The following PREP variants were observed in gnomAD, a reference collection of about 807,000 sequenced individuals.
PREP encodes prolyl endopeptidase.
PREP carries 29 observed loss-of-function variants against 87.6 expected under a neutral mutation model. The observed-to-expected ratio is 0.33, with a 90% confidence interval of 0.25 to 0.45. The LOEUF (loss-of-function observed/expected upper bound fraction) is 0.45, where lower values mean the gene tolerates loss of function less well. Among genes scored for constraint, PREP ranks in the 20% least tolerant of loss-of-function variants. The pLI is 1.00. For missense variants in PREP, 695 were observed against 886.5 expected (o/e 0.78, Z 2.74); for synonymous variants, 337 against 328.6 (o/e 1.03, Z -0.28).
chr6:105,401,067 G>T (rs1192106625), intron 1 of PREP, among the ~76,000 whole-genome samples: 1 of 152,198 alleles, frequency 6.6e-6, no homozygotes, highest in Non-Finnish European at 1.5e-5. Flanking sequence ...CTTAGAGTTA[G>T]CATGAGTTGC....
chr6:105,315,841 C>T (rs1047012732), intron 10 of PREP, among the ~76,000 whole-genome samples: 1 of 152,188 alleles, frequency 6.6e-6, no homozygotes, highest in Non-Finnish European at 1.5e-5. Context: ...ATGAACCAAC[C>T]TCTGCTAGCT....
chr6:105,283,050 G>A (rs530340814), intron 12 of PREP, among the ~76,000 whole-genome samples: 1 of 152,362 alleles, frequency 6.6e-6, no homozygotes, highest in African/African-American at 2.4e-5. Flanking sequence ...GACGGAGGTG[G>A]AAGCGCTCTG....
rs1769867763 is a variant in PREP at position 105,273,440 on chromosome 6, G to A, written c.*4704C>T. The A allele has an allele frequency of 6.6e-6, 1 of 152,010 alleles. No homozygotes were observed. The highest frequency in any genetic ancestry group is 2.4e-5 in the African/African-American group (1 of 41,366). 9.4% of individuals were successfully genotyped at this position (152,010 alleles called of 1,614,324 possible). ...ATTACCATCTTCACCACCAACTCCAGGTACCCACTAATCTACATTCTATCT... is the reference window on the plus strand; with the variant it reads ...ATTACCATCTTCACCACCAACTCCAAGTACCCACTAATCTACATTCTATCT... On this transcript the variant is annotated 3_prime_UTR_variant, in exon 15 of 15. Transcript: ENST00000652536.
chr6:105,322,313 T>C, intron 10 of PREP: 1 of 915,350 alleles, frequency 1.1e-6, no homozygotes, highest in Non-Finnish European at 1.3e-6. Context: ...AAAAAATAGA[T>C]TATATTCTAT....
intron 10 of PREP, among the ~76,000 whole-genome samples, chr6:105,307,320 C>T (rs1770676339): frequency 6.6e-6 from 1 of 152,026 alleles, no homozygotes; most frequent in Non-Finnish European, 1.5e-5. Flanking sequence ...TGTGCTCTTT[C>T]CATCTGCCCA....
intron 7 of PREP, among the ~76,000 whole-genome samples, chr6:105,336,262 GA>G (rs1562205004): frequency 6.6e-6 from 1 of 152,180 alleles, no homozygotes; most frequent in Admixed American, 6.5e-5. Context: ...CCTGTCTCAA[GA>G]AAATATACAT....
chr6:105,340,342 T>TG (rs1414009258), intron 7 of PREP, among the ~76,000 whole-genome samples: 1 of 152,120 alleles, frequency 6.6e-6, no homozygotes, highest in African/African-American at 2.4e-5. Context: ...AGACAAACTC[T>TG]GAGAGATTTT....
In PREP at chr6:105,328,883, C is replaced by A. The variant is rs752657011; in HGVS notation, c.1159G>T (p.Gly387Cys). 6.2e-7 allele frequency: 1 copy of A among 1,614,034 alleles called. No homozygotes were observed. ...LDVGSIVGYSGQKKDTEIFYQ... is the reference protein window; with the variant it reads ...LDVGSIVGYSCQKKDTEIFYQ... ...AAGATTTCAGTGTCCTTCTTCTGAC[C>A]GCTGTACCCTACAATGCTGCCGACA... Residue 387 changes from glycine (G) to cysteine (C), a missense_variant, in exon 9 of 15, where the codon GGT becomes TGT. Physicochemically the swap from Gly to Cys is radical, Grantham distance 159. Around this residue, in one of 5 missense-constraint regions of PREP, gnomAD observed 517 missense variants for 620.3 expected, o/e 0.83. Transcript: ENST00000652536.
rs1411143515 is a variant in PREP at position 105,273,782 on chromosome 6, C to T, written c.*4362G>A. On this transcript the variant is annotated 3_prime_UTR_variant, in exon 15 of 15. Transcript: ENST00000652536. ...CTCTAGTGTATCCTCCAGGCCTCGC[C>T]TGGCTCCCTGTTCCCCCCACACTGG... is the stretch of plus-strand genomic sequence containing the variant. 6.5e-6 allele frequency: 1 copy of T among 153,254 alleles called. No individual in the cohort carries two copies. Among genetic ancestry groups the T allele is most frequent in the African/African-American group, 2.4e-5 (1 of 41,480 alleles). 9.5% of individuals were successfully genotyped at this position (153,254 alleles called of 1,614,324 possible). A position where few individuals can be genotyped will look rare whatever the true frequency, so the allele number is the denominator to read the frequency against.
intron 1 of PREP, among the ~76,000 whole-genome samples, chr6:105,400,251 A>G (rs981376008): frequency 1.3e-5 from 2 of 152,158 alleles, no homozygotes; most frequent in African/African-American, 4.8e-5. Flanking sequence ...TAGAGCCCTG[A>G]TAAGGTACTG....
chr6:105,383,270 G>C (rs1298565717), intron 2 of PREP, among the ~76,000 whole-genome samples: 1 of 132,114 alleles, frequency 7.6e-6, no homozygotes, highest in African/African-American at 3.0e-5. Context: ...AAAAAAAAAA[G>C]AGTGCTCGTA....
chr6:105,281,508 G>C, intron 14 of PREP: 1 of 430,988 alleles, frequency 2.3e-6, no homozygotes, highest in Non-Finnish European at 4.1e-6. Context: ...AACCAGGGTA[G>C]GAATCTTGGG....
chr6:105,374,400 G>A (rs140283090), intron 4 of PREP, among the ~76,000 whole-genome samples: 1 of 152,086 alleles, frequency 6.6e-6, no homozygotes, highest in African/African-American at 2.4e-5. Flanking sequence ...TTTGCTAAAC[G>A]TTATTGGGTA....
chr6:105,297,591 C>T (rs2114623410), intron 10 of PREP, among the ~76,000 whole-genome samples: 1 of 152,286 alleles, frequency 6.6e-6, no homozygotes, highest in East Asian at 1.9e-4. Context: ...CCACTGTGCA[C>T]ACAGTTCTGT....
At chr6:105,359,347 G>A (rs1271527224) in intron 6 of PREP, among the ~76,000 whole-genome samples, 1 of 152,190 alleles carries the variant, frequency 6.6e-6, no homozygotes, top group Non-Finnish European at 1.5e-5. Flanking sequence ...GCATCTACAG[G>A]GTGGTGAGCT....
intron 10 of PREP, among the ~76,000 whole-genome samples, 181 bp downstream of exon 10, chr6:105,323,484 G>A (rs962770355): frequency 1.5e-4 from 23 of 152,116 alleles, no homozygotes; most frequent in African/African-American, 5.3e-4. Flanking sequence ...GGAGGGCAGC[G>A]ACTATGCCAG....
chr6:105,276,885 T>C lies in PREP; in HGVS notation c.*1259A>G, dbSNP rs1769944248. 6.6e-6 allele frequency among the ~76,000 whole-genome samples: 1 copy of C among 152,174 alleles called. No homozygotes were observed. The highest frequency in any genetic ancestry group is 2.4e-5 in the African/African-American group (1 of 41,438). ...ATACAACTTGGAAGATGGGACTTAC[T>C]TGGAAAAGTACAAATTATTGGAATA... On this transcript the variant is annotated 3_prime_UTR_variant, in exon 15 of 15. Coordinates refer to ENST00000652536, the MANE Select transcript of PREP (RefSeq NM_002726.5).
intron 6 of PREP, among the ~76,000 whole-genome samples, chr6:105,357,928 T>C (rs78309514): frequency 5.9e-5 from 9 of 151,672 alleles, no homozygotes; most frequent in Non-Finnish European, 1.2e-4. Context: ...TTTTTTTTTT[T>C]CTCTAAGTGA....
rs1425743010 is a variant in PREP, at chr6:105,277,960, G to GGCCTT, written c.*179_*183dup. On this transcript the variant is annotated 3_prime_UTR_variant, in exon 15 of 15. Coordinates refer to ENST00000652536, the MANE Select transcript of PREP (RefSeq NM_002726.5). The stretch of plus-strand genomic sequence containing the variant: ...GACAGGGTGGAAAAAGAAACACCAA[G>GGCCTT]GCCTTGCTAAAAAGGAGAAGCCTAA... 1.2e-6 allele frequency: 1 copy of GGCCTT among 845,114 alleles called. No homozygotes were observed. The highest frequency in any genetic ancestry group is 1.7e-5 in the African/African-American group (1 of 58,608). 52.4% of individuals were successfully genotyped at this position (845,114 alleles called of 1,614,324 possible).
Sources: allele counts gnomAD v4.1 joint callset (sites outside exome capture counted in the v4.1 genomes callset), GRCh38; gene constraint gnomAD v4.1.1; regional missense constraint gnomAD v4.1.1; transcripts MANE v1.5; gene names NCBI Gene and HGNC (gene_info 2026-07-23, HGNC 2026-07-21).